The following SATB1 variants were observed in gnomAD, a reference collection of about 807,000 sequenced individuals.
SATB1 encodes the protein SATB homeobox 1, also known as DNA-binding protein SATB1.
Under a neutral mutation model 86.9 loss-of-function variants are expected in SATB1, and 11 were observed. The ratio of observed to expected loss-of-function variants is 0.13; its 90% CI spans 0.08 to 0.21. The LOEUF is 0.21. SATB1 is among the 10% of genes least tolerant of loss of function. The pLI, the probability that SATB1 is intolerant of heterozygous loss-of-function variation, is 1.00. For synonymous variants in SATB1, 357 were observed against 357.2 expected, an observed-to-expected ratio of 1.00 and a Z score of 0.01; for missense variants, 551 against 937.6, an observed-to-expected ratio of 0.59 and a Z score of 5.39.
At chr3:18,404,535 A>G (rs1414525718) in intron 5 of SATB1, among the ~76,000 whole-genome samples, 1 of 152,052 alleles carries the variant, frequency 6.6e-6, no homozygotes, top group Non-Finnish European at 1.5e-5. Context: ...AAGCACAAAG[A>G]GAACACATCC....
rs1458728641 is a variant in SATB1 at position 18,415,961 on chromosome 3, C to T, written c.515+46G>A. On this transcript the variant is annotated intron_variant, in intron 4 of 10. Transcript: ENST00000338745. ...GAGAGAAATGCTTCATTTCAAAAGA[C>T]CAGGTAAGAAGAATGTTTCACCCTA... The T allele has an allele frequency of 6.0e-6, 9 of 1,501,326 alleles. No homozygotes were observed. In the South Asian group the frequency reaches 1.2e-4, roughly 20 times the overall value. The allele number at this position is 1,501,326 out of a possible 1,614,324, so 93.0% of individuals were successfully genotyped here.
chr3:18,428,931 T>A (rs144657518), upstream of SATB1, among the ~76,000 whole-genome samples: 1 of 152,232 alleles, frequency 6.6e-6, no homozygotes, highest in South Asian at 2.1e-4. Flanking sequence ...TTTTAAGATA[T>A]AGCAACTCCG....
rs1696887520 is a variant in SATB1, at chr3:18,394,925, G to A, written c.752-9C>T. 1 of 1,551,792 alleles carries A rather than the reference G, an allele frequency of 6.4e-7. No homozygotes were observed. The highest frequency in any genetic ancestry group is 1.4e-5 in the African/African-American group (1 of 73,362). On this transcript the variant is annotated splice_polypyrimidine_tract_variant and intron_variant, in intron 6 of 10. Transcript: ENST00000338745. The surrounding 1 kb of genome is among the most constrained non-coding windows in gnomAD (Gnocchi z 5.9). ...AAGACTATCCATTTCAACTAAAGTGGACAAAGAGTAAAATCACATTCAGCC... is the reference window on the plus strand; with the variant it reads ...AAGACTATCCATTTCAACTAAAGTGAACAAAGAGTAAAATCACATTCAGCC...
Position 18,394,719 on chromosome 3 carries a change from C to A in SATB1, c.949G>T (p.Val317Phe). ...LVSTPISPQL[V>F]NQQLVMAQLL... Reference sequence around the variant, plus strand: ...TGAGCCATCACCAGCTGCTGGTTGACCAATTGAGGACTGATAGGTGTTGAT... The same window carrying A: ...TGAGCCATCACCAGCTGCTGGTTGAACAATTGAGGACTGATAGGTGTTGAT... The change falls in exon 7 of 11, where the codon GTC becomes TTC. Residue 317 changes from valine to phenylalanine, a missense_variant. By Grantham distance (50) the Val-to-Phe change is conservative (BLOSUM62 -1). Coordinates refer to ENST00000338745, the MANE Select transcript of SATB1 (RefSeq NM_002971.6). This position sits in a 1 kb window ranked among gnomAD's most constrained non-coding sequence, Gnocchi z 5.9. The A allele has an allele frequency of 6.2e-7, 1 of 1,614,036 alleles. No individual in the cohort carries two copies.
chr3:18,394,997 A>AAATT lies in SATB1; in HGVS notation c.752-82_752-81insAATT. The AAATT allele has an allele frequency of 8.4e-7, 1 of 1,191,212 alleles. No individual in the cohort carries two copies. The highest frequency in any genetic ancestry group is 1.1e-6 in the Non-Finnish European group (1 of 871,340). The allele number at this position is 1,191,212 out of a possible 1,614,324, so 73.8% of individuals were successfully genotyped here. A position where few individuals can be genotyped will look rare whatever the true frequency, so the allele number is the denominator to read the frequency against. ...AGATTTCTAACCATTTCCTAAATTA[A>AAATT]AAAAGGGTAGGCACAGGGCACACCC... On this transcript the variant is annotated intron_variant, in intron 6 of 10. Transcript: ENST00000338745. The surrounding 1 kb of genome is among the most constrained non-coding windows in gnomAD (Gnocchi z 5.9).
At chr3:18,411,236 T>C (rs2125149681) in intron 5 of SATB1, among the ~76,000 whole-genome samples, 1 of 152,218 alleles carries the variant, frequency 6.6e-6, no homozygotes. Context: ...AATAATCCAA[T>C]GCCTTAAAAA....
chr3:18,409,083 C>T (rs902639008), intron 5 of SATB1: 1 of 151,926 alleles, frequency 6.6e-6, no homozygotes, highest in African/African-American at 2.4e-5. Flanking sequence ...AAACAAGGCA[C>T]AGGTAAAAAT....
chr3:18,411,095 ATTAC>A, intron 5 of SATB1: 1 of 385,424 alleles, frequency 2.6e-6, no homozygotes, highest in Non-Finnish European at 4.6e-6. Flanking sequence ...CTTTCTCAAT[ATTAC>A]TTCTAAATGG....
chr3:18,354,657 C>T (rs1694541183), intron 9 of SATB1, among the ~76,000 whole-genome samples: 1 of 152,070 alleles, frequency 6.6e-6, no homozygotes. Flanking sequence ...TGATTTTTCA[C>T]ATCCTTTAGG....
rs764445141 is a variant in SATB1, at chr3:18,416,906, G to C, written c.384C>G (p.Ala128=). 1 of 1,605,116 alleles carries C rather than the reference G, an allele frequency of 6.2e-7. No individual in the cohort carries two copies. Among genetic ancestry groups the C allele is most frequent in the Non-Finnish European group, 8.5e-7 (1 of 1,176,430 alleles). The stretch of plus-strand genomic sequence containing the variant: ...CCCCACGTACACATTATTTACCTTT[G>C]GCCTGGGCAGCAGAGCTATGTGAAT... ...LGYSHSSAAQ[A]KGLIQVGKWN... is the part of the protein sequence containing the mutation. The change falls in exon 3 of 11, where the codon GCC becomes GCG. Residue 128 remains alanine, a synonymous_variant. Coordinates refer to ENST00000338745, the MANE Select transcript of SATB1 (RefSeq NM_002971.6).
Position 18,386,323 on chromosome 3 carries a change from T to C in SATB1, c.1419+76A>G. 8.9e-7 allele frequency: 1 copy of C among 1,126,802 alleles called. No homozygotes were observed. The highest frequency in any genetic ancestry group is 1.4e-5 in the South Asian group (1 of 72,512). 69.8% of individuals were successfully genotyped at this position (1,126,802 alleles called of 1,614,324 possible). On this transcript the variant is annotated intron_variant, in intron 8 of 10. Transcript: ENST00000338745. This position sits in a 1 kb window ranked among gnomAD's most constrained non-coding sequence, Gnocchi z 4.5. ...TAAATCTATGTATCTATCTATCTAA[T>C]TTCTTATTGAGATTCTTCCTCAAGC... is the stretch of plus-strand genomic sequence containing the variant.
chr3:18,410,927 G>C (rs77849676), intron 5 of SATB1: 6 of 391,352 alleles, frequency 1.5e-5, no homozygotes, highest in Non-Finnish European at 2.7e-5. Flanking sequence ...TAATTCCTAC[G>C]GAAATGACTG....
rs919163280 is a variant in SATB1 at position 18,347,448 on chromosome 3, C to G, written c.*1722G>C. On this transcript the variant is annotated 3_prime_UTR_variant, in exon 11 of 11. Coordinates refer to ENST00000338745, the MANE Select transcript of SATB1 (RefSeq NM_002971.6). ...ATGTAGCTCTTATAGTTATGAGATA[C>G]ACTTACGAGCTCAGTTATTAACTTA... is the stretch of plus-strand genomic sequence containing the variant. 1 of 151,508 alleles carries G rather than the reference C, an allele frequency of 6.6e-6. No individual in the cohort carries two copies. Among genetic ancestry groups the G allele is most frequent in the Non-Finnish European group, 1.5e-5 (1 of 67,948 alleles). 9.4% of individuals were successfully genotyped at this position (151,508 alleles called of 1,614,324 possible).
intron 9 of SATB1, among the ~76,000 whole-genome samples, chr3:18,369,736 AG>A (rs1396635800): frequency 6.6e-6 from 1 of 152,204 alleles, no homozygotes; most frequent in Non-Finnish European, 1.5e-5. Context: ...AAAAAGGAGG[AG>A]GAGAGAGTTT....
At position 18,419,856 on chromosome 3, in the gene SATB1, G is replaced by GC. The variant is rs1698300410; in HGVS notation, c.211+900dup. 2.6e-5 allele frequency among the ~76,000 whole-genome samples: 4 copies of GC among 151,960 alleles called. No individual in the cohort carries two copies. The South Asian group carries it at 8.3e-4, about 32-fold the overall frequency. ...CAGGATCAATATATTCTTTGTTTTC[G>GC]CCAAACCAAGGAAAAAATAAATGAT... On this transcript the variant is annotated intron_variant, in intron 2 of 10. Coordinates refer to ENST00000338745, the MANE Select transcript of SATB1 (RefSeq NM_002971.6).
Position 18,346,837 on chromosome 3 carries a change from G to A in SATB1, c.*2333C>T, listed in dbSNP as rs994518797. 111 of 151,996 alleles carry A rather than the reference G, an allele frequency of 7.3e-4. No homozygotes were observed. The highest frequency in any genetic ancestry group is 2.6e-3 in the African/African-American group (108 of 41,374). 9.4% of individuals were successfully genotyped at this position (151,996 alleles called of 1,614,324 possible). ...TAAGGAAGAGGAAGATAACTTCATGGCATTTGAGTTTCTATTTTATTTCCT... is the reference window on the plus strand; with the variant it reads ...TAAGGAAGAGGAAGATAACTTCATGACATTTGAGTTTCTATTTTATTTCCT... On this transcript the variant is annotated 3_prime_UTR_variant, in exon 11 of 11. Coordinates refer to ENST00000338745, the MANE Select transcript of SATB1 (RefSeq NM_002971.6).
chr3:18,399,606 C>A (rs1379426403), intron 5 of SATB1, among the ~76,000 whole-genome samples: 1 of 152,106 alleles, frequency 6.6e-6, no homozygotes, highest in Non-Finnish European at 1.5e-5. Flanking sequence ...GTCAAAGCTT[C>A]CCCCTACCCT....
intron 9 of SATB1, among the ~76,000 whole-genome samples, chr3:18,365,089 G>GATT (rs1695117195): frequency 1.3e-5 from 2 of 152,082 alleles, no homozygotes; most frequent in African/African-American, 4.8e-5. Context: ...TTTCAGTTCT[G>GATT]AATGAGATTT....
In SATB1 at chr3:18,444,851, A is replaced by AGCGC. The variant is rs1553629694; in HGVS notation, c.-25+663_-25+666dup. ...GAGCGAGGCGAGGAGCGAGCGAGCG[A>AGCGC]GCGCGCGGGGCCAAGGGAAGGAAGA... is the stretch of plus-strand genomic sequence containing the variant. On this transcript the variant is annotated intron_variant, in intron 1 of 3. Transcript: ENST00000415069. The surrounding 1 kb of genome is among the most constrained non-coding windows in gnomAD (Gnocchi z 5.1). The AGCGC allele has an allele frequency of 6.8e-6, 1 of 146,782 alleles. No homozygotes were observed. Among genetic ancestry groups the AGCGC allele is most frequent in the Non-Finnish European group, 1.4e-5 (1 of 73,022 alleles). 9.1% of individuals were successfully genotyped at this position (146,782 alleles called of 1,614,324 possible).
Sources: allele counts gnomAD v4.1 joint callset (sites outside exome capture counted in the v4.1 genomes callset), GRCh38; gene constraint gnomAD v4.1.1; non-coding constraint Gnocchi (gnomAD v3.1); transcripts MANE v1.5; gene names NCBI Gene and HGNC (gene_info 2026-07-23, HGNC 2026-07-21).